The following ZFR2 variants were observed in gnomAD, a reference collection of about 807,000 sequenced individuals.
ZFR2 encodes the protein zinc finger RNA-binding protein 2.
Under a neutral mutation model 105.7 loss-of-function variants are expected in ZFR2, and 104 were observed. That is an observed-to-expected ratio of 0.98 (90% CI 0.84 to 1.16). ZFR2 has a LOEUF of 1.16. ZFR2 is among the 50% of genes most tolerant of loss of function. The probability of loss-of-function intolerance (pLI) is 0.00; values close to 1 mark genes in which losing one functional copy is unlikely to be tolerated. For missense variants in ZFR2, 1,425 were observed against 1,355.5 expected, an observed-to-expected ratio of 1.05 and a Z score of -0.80; for synonymous variants, 634 against 597.7, an observed-to-expected ratio of 1.06 and a Z score of -0.89.
At chr19:3,846,132 A>G (rs1328921133) in intron 1 of ZFR2, among the ~76,000 whole-genome samples, 1 of 152,150 alleles carries the variant, frequency 6.6e-6, no homozygotes, top group Non-Finnish European at 1.5e-5. Flanking sequence ...GTGTGCCACC[A>G]CGCCTGGCTA....
intron 17 of ZFR2, among the ~76,000 whole-genome samples, 172 bp downstream of exon 17, chr19:3,808,700 C>T (rs1274339597): frequency 2.0e-5 from 3 of 152,248 alleles, no homozygotes; most frequent in African/African-American, 4.8e-5. Flanking sequence ...CCTCCATGAC[C>T]GCGGCCCTGT....
In ZFR2 at chr19:3,858,275, C is replaced by T. The variant is rs868332180; in HGVS notation, c.53+10690G>A. Among the ~76,000 whole-genome samples, 29 of 152,166 alleles carry T rather than the reference C, an allele frequency of 1.9e-4. No individual in the cohort carries two copies. Among genetic ancestry groups the T allele is most frequent in the Admixed American group, 1.3e-4 (2 of 15,274 alleles). ...ACGGAGCAGGCTTAGGTGTGGTCCA[C>T]ACTTCAGAGGGACACGGGTGGGATC... On this transcript the variant is annotated intron_variant, in intron 1 of 18. Transcript: ENST00000262961. The surrounding 1 kb of genome is among the most constrained non-coding windows in gnomAD (Gnocchi z 4.3).
In ZFR2 at chr19:3,823,866, G is replaced by A. The variant is rs925008405; in HGVS notation, c.1214-463C>T. ...ACGCTGCTGAGGCTAAAAATAGAATGTGGCTCCCTCGACCCCTGCCCACGC... is the reference window on the plus strand; with the variant it reads ...ACGCTGCTGAGGCTAAAAATAGAATATGGCTCCCTCGACCCCTGCCCACGC... On this transcript the variant is annotated intron_variant, in intron 7 of 18. Coordinates refer to ENST00000262961, the MANE Select transcript of ZFR2 (RefSeq NM_015174.2). The surrounding 1 kb of genome is among the most constrained non-coding windows in gnomAD (Gnocchi z 5.4). 2.0e-5 allele frequency among the ~76,000 whole-genome samples: 3 copies of A among 152,174 alleles called. No individual in the cohort carries two copies. Among genetic ancestry groups the A allele is most frequent in the African/African-American group, 7.2e-5 (3 of 41,432 alleles).
intron 1 of ZFR2, among the ~76,000 whole-genome samples, chr19:3,835,422 T>C (rs978845784): frequency 1.3e-5 from 2 of 151,798 alleles, no homozygotes; most frequent in African/African-American, 2.4e-5. Flanking sequence ...GCCTCCCAGG[T>C]TCAAGCAATT....
At position 3,815,550 on chromosome 19, in the gene ZFR2, C is replaced by T. The variant is rs140195925; in HGVS notation, c.2103+1124G>A. Reference sequence around the variant, plus strand: ...TACGGCTTCCTAGTCGCCATTGCTGCGAATGTTTTCTGTGCAGCTTTCATC... The same window carrying T: ...TACGGCTTCCTAGTCGCCATTGCTGTGAATGTTTTCTGTGCAGCTTTCATC... On this transcript the variant is annotated intron_variant, in intron 13 of 18. Coordinates refer to ENST00000262961, the MANE Select transcript of ZFR2 (RefSeq NM_015174.2). Among the ~76,000 whole-genome samples, 524 of 152,260 alleles carry T rather than the reference C, an allele frequency of 3.4e-3. 1 individual carries two copies. The highest frequency in any genetic ancestry group is 0.024 in the Middle Eastern group (7 of 294).
chr19:3,831,394 AGC>A lies in ZFR2; in HGVS notation c.759_760del (p.Leu254SerfsTer154). On this transcript the variant is annotated frameshift_variant, in exon 5 of 19. Transcript: ENST00000262961. LOFTEE classifies it high-confidence loss of function. ...CTTGGGTCTCGGCAGCTTGCTGGGAAGCGGTGGCTTCGAGTCGGCCCTGGGGC... is the reference window on the plus strand; with the variant it reads ...CTTGGGTCTCGGCAGCTTGCTGGGAAGGTGGCTTCGAGTCGGCCCTGGGGC... 1 of 1,556,772 alleles carries A rather than the reference AGC, an allele frequency of 6.4e-7. No individual in the cohort carries two copies. Among genetic ancestry groups the A allele is most frequent in the Non-Finnish European group, 8.7e-7 (1 of 1,152,234 alleles).
intron 1 of ZFR2, among the ~76,000 whole-genome samples, chr19:3,836,203 G>A (rs2038075183): frequency 1.3e-5 from 2 of 152,074 alleles, no homozygotes; most frequent in South Asian, 2.1e-4. Context: ...CAATGAGAAG[G>A]AAAAACCCCA....
chr19:3,867,304 T>TGGC lies in ZFR2; in HGVS notation c.53+1660_53+1661insGCC, dbSNP rs1555762878. On this transcript the variant is annotated intron_variant, in intron 1 of 18. Coordinates refer to ENST00000262961, the MANE Select transcript of ZFR2 (RefSeq NM_015174.2). Reference sequence around the variant, plus strand: ...GTGACACGCGGAAATGATCAACTGTTGGGGGGGGAATCTGGTCCCCTCAGA... The same window carrying TGGC: ...GTGACACGCGGAAATGATCAACTGTTGGCGGGGGGGGAATCTGGTCCCCTCAGA... Among the ~76,000 whole-genome samples, 7 of 149,760 alleles carry TGGC rather than the reference T, an allele frequency of 4.7e-5. No individual in the cohort carries two copies. The East Asian group carries it at 7.9e-4, about 17-fold the overall frequency.
intron 1 of ZFR2, among the ~76,000 whole-genome samples, chr19:3,843,868 G>A (rs935970657): frequency 6.6e-6 from 1 of 151,616 alleles, no homozygotes; most frequent in Non-Finnish European, 1.5e-5. Flanking sequence ...AAAAAAACAA[G>A]TCCTGACATA....
At chr19:3,808,221 G>A (rs10403415) in intron 17 of ZFR2, among the ~76,000 whole-genome samples, 9,991 of 150,538 alleles carry the variant, frequency 0.066, 1,082 homozygotes, top group African/African-American at 0.23. Flanking sequence ...GTGCCCGTGC[G>A]AGTGCGTGCG....
chr19:3,836,059 A>G (rs907909213), intron 1 of ZFR2, among the ~76,000 whole-genome samples: 5 of 152,210 alleles, frequency 3.3e-5, no homozygotes, highest in African/African-American at 1.2e-4. Context: ...AGTCCCTGAC[A>G]TAGAACGATA....
chr19:3,816,892 G>A (rs779651819), intron 12 of ZFR2, 47 bp from the exon 13 acceptor site: 34 of 1,502,042 alleles, frequency 2.3e-5, no homozygotes, highest in Non-Finnish European at 3.1e-5. Flanking sequence ...GAGAGACGCG[G>A]GGTACCCCAG....
chr19:3,831,662 G>A lies in ZFR2; in HGVS notation c.596C>T (p.Thr199Met), dbSNP rs757662106. ...TGGGCAAGGAACGCTGGTCTTACCCGTGTAGGCGGTGCAGGTGGGGTTGTA... is the reference window on the plus strand; with the variant it reads ...TGGGCAAGGAACGCTGGTCTTACCCATGTAGGCGGTGCAGGTGGGGTTGTA... ...PSYNPTCTAY[T>M]APSYPNYDAS... The change falls in exon 4 of 19, where the codon ACG (threonine) becomes ATG (methionine). Residue 199 changes from threonine (T) to methionine (M), a missense_variant and splice_region_variant. Coordinates refer to ENST00000262961, the MANE Select transcript of ZFR2 (RefSeq NM_015174.2). 25 of 1,545,076 alleles carry A rather than the reference G, an allele frequency of 1.6e-5. No homozygotes were observed. Among genetic ancestry groups the A allele is most frequent in the East Asian group, 9.3e-5 (4 of 42,956 alleles).
At chr19:3,849,965 G>T (rs1019003974) in intron 1 of ZFR2, among the ~76,000 whole-genome samples, 1 of 152,308 alleles carries the variant, frequency 6.6e-6, no homozygotes, top group African/African-American at 2.4e-5. Context: ...GAACGTCACA[G>T]CTGTGAGCAG....
Position 3,831,516 on chromosome 19 carries a change from A to G in ZFR2, c.639T>C (p.Ala213=). The change falls in exon 5 of 19, where the codon GCT becomes GCC. Residue 213 remains alanine, a synonymous_variant. Coordinates refer to ENST00000262961, the MANE Select transcript of ZFR2 (RefSeq NM_015174.2). ...YPNYDASVYS[A]ASPFYPPAQP... Reference sequence around the variant, plus strand: ...GCGCTGGAGGATAGAAAGGGCTGGCAGCGGAGTACACCGACGCGTCATAGT... The same window carrying G: ...GCGCTGGAGGATAGAAAGGGCTGGCGGCGGAGTACACCGACGCGTCATAGT... 6.4e-7 allele frequency: 1 copy of G among 1,557,484 alleles called. No individual in the cohort carries two copies. Among genetic ancestry groups the G allele is most frequent in the Non-Finnish European group, 8.7e-7 (1 of 1,151,218 alleles).
intron 5 of ZFR2, among the ~76,000 whole-genome samples, chr19:3,828,327 A>G (rs1039739542): frequency 6.6e-6 from 1 of 152,070 alleles, no homozygotes; most frequent in African/African-American, 2.4e-5. Context: ...GTGTCCCTTT[A>G]TGAAGCCCAC....
chr19:3,825,453 C>G (rs1472262083), intron 6 of ZFR2, 46 bp from the exon 7 acceptor site: 3 of 1,521,500 alleles, frequency 2.0e-6, no homozygotes, highest in Non-Finnish European at 8.8e-7. Flanking sequence ...CGCTCCCAGC[C>G]TGATGGCCTT....
chr19:3,811,512 T>C lies in ZFR2; in HGVS notation c.2243-146A>G, dbSNP rs1310007895. 3 of 691,186 alleles carry C rather than the reference T, an allele frequency of 4.3e-6. No homozygotes were observed. In the African/African-American group the frequency reaches 5.6e-5, roughly 13 times the overall value. The allele number at this position is 691,186 out of a possible 1,614,324, so 42.8% of individuals were successfully genotyped here. A position where few individuals can be genotyped will look rare whatever the true frequency, so the allele number is the denominator to read the frequency against. On this transcript the variant is annotated intron_variant, in intron 14 of 18. Transcript: ENST00000262961. The stretch of plus-strand genomic sequence containing the variant: ...CTGTGTCACCCAGGCTGGAGTGCAG[T>C]GGCATGATCTTGGCTCACTGCAACC...
intron 5 of ZFR2, 112 bp from the exon 6 acceptor site, chr19:3,827,765 G>A (rs578039968): frequency 1.6e-5 from 20 of 1,221,226 alleles, no homozygotes; most frequent in African/African-American, 3.1e-5. Context: ...ACAGAGGCCC[G>A]CTGTCCCCAA....
Sources: allele counts gnomAD v4.1 joint callset (sites outside exome capture counted in the v4.1 genomes callset), GRCh38; gene constraint gnomAD v4.1.1; non-coding constraint Gnocchi (gnomAD v3.1); transcripts MANE v1.5; gene names NCBI Gene and HGNC (gene_info 2026-07-23, HGNC 2026-07-21).